Variants in CNTN5 observed in about 807,000 individuals in gnomAD.
CNTN5 encodes the protein contactin 5, also known as contactin-5.
In CNTN5, 77 loss-of-function variants were observed where a neutral mutation model predicts 129.1. The ratio of observed to expected loss-of-function variants is 0.60; its 90% CI spans 0.50 to 0.72. CNTN5 has a LOEUF of 0.72. Ranked by LOEUF, CNTN5 falls within the 30% of genes least tolerant of loss-of-function variation. CNTN5 has a pLI of 0.00. For synonymous variants in CNTN5, 509 were observed against 465.6 expected (o/e 1.09, Z -1.20); for missense variants, 1,478 against 1,328.8 (o/e 1.11, Z -1.75).
At chr11:99,520,236 A>G (rs1222383659) in intron 2 of CNTN5, among the ~76,000 whole-genome samples, 1 of 152,092 alleles carries the variant, frequency 6.6e-6, no homozygotes, top group Non-Finnish European at 1.5e-5. Context: ...AGTTTCCTAA[A>G]CTTTGAAGTA....
intron 3 of CNTN5, among the ~76,000 whole-genome samples, chr11:99,572,092 C>G (rs893710500): frequency 6.6e-6 from 1 of 152,128 alleles, no homozygotes; most frequent in South Asian, 2.1e-4. Context: ...ATACTACATA[C>G]AACCACTATC....
At chr11:100,091,467 T>C (rs11822102) in intron 13 of CNTN5, among the ~76,000 whole-genome samples, 46,244 of 145,138 alleles carry the variant, frequency 0.32, 7,765 homozygotes, top group South Asian at 0.45. Context: ...CTCACCCTTT[T>C]GCCCAGGCTA....
chr11:100,137,713 T>C (rs1565276816), intron 13 of CNTN5, among the ~76,000 whole-genome samples: 1 of 152,138 alleles, frequency 6.6e-6, no homozygotes, highest in Non-Finnish European at 1.5e-5. Flanking sequence ...GTTCTGCTGG[T>C]AAATTGCCAT....
At chr11:99,047,009 T>G (rs565726789) in intron 1 of CNTN5, among the ~76,000 whole-genome samples, 5 of 152,074 alleles carry the variant, frequency 3.3e-5, no homozygotes, top group Non-Finnish European at 7.4e-5. Flanking sequence ...TTCATTATAT[T>G]TATAATATAC....
intron 1 of CNTN5, among the ~76,000 whole-genome samples, chr11:99,305,737 T>C (rs904627497): frequency 6.6e-6 from 1 of 151,940 alleles, no homozygotes; most frequent in African/African-American, 2.4e-5. Context: ...TCCCAACACT[T>C]TGGGAGGCTG....
At chr11:100,194,980 T>TGTTCACCATCTC in intron 15 of CNTN5, among the ~76,000 whole-genome samples, 1 of 149,878 alleles carries the variant, frequency 6.7e-6, no homozygotes, top group East Asian at 2.1e-4. Flanking sequence ...GAGCGAATTT[T>TGTTCACCATCTC]AACTGTTAAT....
chr11:99,232,774 A>G (rs904470906), intron 1 of CNTN5, among the ~76,000 whole-genome samples: 2 of 152,204 alleles, frequency 1.3e-5, no homozygotes, highest in Non-Finnish European at 2.9e-5. Flanking sequence ...ATGAACTGAA[A>G]TTAACGTATA....
At chr11:100,007,101 G>C (rs1940242019) in intron 9 of CNTN5, among the ~76,000 whole-genome samples, 1 of 151,922 alleles carries the variant, frequency 6.6e-6, no homozygotes, top group South Asian at 2.1e-4. Flanking sequence ...CTTTTTTTCT[G>C]AGCTGTAGGT....
intron 3 of CNTN5, among the ~76,000 whole-genome samples, chr11:99,608,717 G>T (rs534020152): frequency 6.6e-6 from 1 of 152,244 alleles, no homozygotes; most frequent in African/African-American, 2.4e-5. Flanking sequence ...CACTCTATTT[G>T]TGGTCCTTCA....
chr11:99,069,646 A>C (rs1013155103), intron 1 of CNTN5, among the ~76,000 whole-genome samples: 1 of 152,062 alleles, frequency 6.6e-6, no homozygotes, highest in Non-Finnish European at 1.5e-5. Flanking sequence ...AGTACCAGAC[A>C]TTTTTCAGGT....
rs1213741100 is a variant in CNTN5, at chr11:99,955,055, T to C, written c.674-1751T>C. Among the ~76,000 whole-genome samples, 12 of 152,138 alleles carry C rather than the reference T, an allele frequency of 7.9e-5. No homozygotes were observed. In the East Asian group the frequency reaches 2.3e-3, roughly 29 times the overall value. ...TGAATGATGTCCTGTAATTGTTAGT[T>C]GCTTTCTTTTCTCTGTAACTTTAAT... On this transcript the variant is annotated intron_variant, in intron 7 of 24. Transcript: ENST00000524871.
intron 8 of CNTN5, among the ~76,000 whole-genome samples, chr11:99,995,679 G>C (rs1939395970): frequency 1.3e-5 from 2 of 151,990 alleles, no homozygotes; most frequent in Non-Finnish European, 2.9e-5. Flanking sequence ...CACAAACATA[G>C]ACACCCCCAA....
intron 8 of CNTN5, among the ~76,000 whole-genome samples, chr11:99,983,425 G>A (rs1341145031): frequency 2.0e-5 from 3 of 152,168 alleles, no homozygotes; most frequent in African/African-American, 7.2e-5. Context: ...TCCAAATTTG[G>A]ATGGGCTCGA....
intron 8 of CNTN5, among the ~76,000 whole-genome samples, chr11:99,965,909 G>T (rs185556262): frequency 1.3e-3 from 202 of 152,212 alleles, no homozygotes; most frequent in African/African-American, 4.6e-3. Context: ...TTTCCTGAAT[G>T]TTTTCCTAAG....
intron 8 of CNTN5, among the ~76,000 whole-genome samples, chr11:99,970,303 A>G (rs957231382): frequency 6.6e-6 from 1 of 152,246 alleles, no homozygotes; most frequent in Non-Finnish European, 1.5e-5. Context: ...AAGTGAGGCC[A>G]TAAGTATAAT....
chr11:99,178,982 A>G (rs1197152231), intron 1 of CNTN5, among the ~76,000 whole-genome samples: 2 of 152,096 alleles, frequency 1.3e-5, no homozygotes, highest in East Asian at 3.9e-4. Context: ...ACATAAATAC[A>G]CACAGAGATA....
chr11:99,384,552 T>A (rs571850540), intron 2 of CNTN5, among the ~76,000 whole-genome samples: 2 of 152,238 alleles, frequency 1.3e-5, no homozygotes, highest in African/African-American at 4.8e-5. Flanking sequence ...AACTGGTCCG[T>A]GGTGTTTGTT....
intron 3 of CNTN5, among the ~76,000 whole-genome samples, chr11:99,730,225 G>T (rs564256545): frequency 6.6e-6 from 1 of 152,132 alleles, no homozygotes; most frequent in African/African-American, 2.4e-5. Flanking sequence ...GAAGGAGGCA[G>T]AATTCTGCTG....
chr11:100,217,829 T>C (rs1370092875), intron 15 of CNTN5, among the ~76,000 whole-genome samples: 1 of 152,214 alleles, frequency 6.6e-6, no homozygotes, highest in Non-Finnish European at 1.5e-5. Flanking sequence ...TGATCCATCA[T>C]ACAAACACTA....
Sources: allele counts gnomAD v4.1 joint callset (sites outside exome capture counted in the v4.1 genomes callset), GRCh38; gene constraint gnomAD v4.1.1; transcripts MANE v1.5; gene names NCBI Gene and HGNC (gene_info 2026-07-23, HGNC 2026-07-21).